The following TRIO variants were observed in gnomAD, a reference collection of about 807,000 sequenced individuals.
TRIO encodes the protein trio Rho guanine nucleotide exchange factor.
In TRIO, 58 loss-of-function variants were observed where a neutral mutation model predicts 351.9. That is an observed-to-expected ratio of 0.16 (90% confidence interval 0.13 to 0.21). The LOEUF (loss-of-function observed/expected upper bound fraction) is 0.21, where lower values mean the gene tolerates loss of function less well. Ranked by LOEUF, TRIO falls within the 10% of genes least tolerant of loss-of-function variation. TRIO has a pLI of 1.00. For missense variants in TRIO, 3,201 were observed against 4,027.8 expected, an observed-to-expected ratio of 0.79 and a Z score of 5.56; for synonymous variants, 1,758 against 1,595.7, an observed-to-expected ratio of 1.10 and a Z score of -2.42.
At chr5:14,403,991 G>T (rs1371013692) in intron 31 of TRIO, among the ~76,000 whole-genome samples, 1 of 140,108 alleles carries the variant, frequency 7.1e-6, no homozygotes, top group African/African-American at 3.1e-5. Flanking sequence ...GAGGGTGCAG[G>T]TTGTGGTGAG....
chr5:14,431,871 A>G (rs27761), intron 34 of TRIO, among the ~76,000 whole-genome samples: 77,195 of 152,040 alleles, frequency 0.51, 21,832 homozygotes, highest in African/African-American at 0.75. Flanking sequence ...CTGATTCTCC[A>G]TATAGCTGTC....
chr5:14,379,963 C>A (rs903923553), intron 20 of TRIO, among the ~76,000 whole-genome samples: 1 of 152,198 alleles, frequency 6.6e-6, no homozygotes, highest in African/African-American at 2.4e-5. Flanking sequence ...TGCTGGCCAC[C>A]CACCCCAGGC....
intron 1 of TRIO, among the ~76,000 whole-genome samples, chr5:14,247,119 A>G (rs1343855935): frequency 6.6e-6 from 1 of 152,118 alleles, no homozygotes; most frequent in East Asian, 1.9e-4. Flanking sequence ...TGGCACCTGC[A>G]TTGTGCAGGC....
At chr5:14,216,599 A>G (rs535168017) in intron 1 of TRIO, among the ~76,000 whole-genome samples, 1 of 152,368 alleles carries the variant, frequency 6.6e-6, no homozygotes, top group East Asian at 1.9e-4. Flanking sequence ...ATTTCAGTGC[A>G]TACCATAAAC....
Position 14,498,419 on chromosome 5 carries a change from T to C in TRIO, c.8211-100T>C, listed in dbSNP as rs1195758521. 5.9e-6 allele frequency: 9 copies of C among 1,526,988 alleles called. No individual in the cohort carries two copies. The Admixed American group carries it at 1.2e-4, about 20-fold the overall frequency. 94.6% of individuals were successfully genotyped at this position (1,526,988 alleles called of 1,614,324 possible). A position where few individuals can be genotyped will look rare whatever the true frequency, so the allele number is the denominator to read the frequency against. On this transcript the variant is annotated intron_variant, in intron 52 of 56. Transcript: ENST00000344204. The stretch of plus-strand genomic sequence containing the variant: ...TGGGTGTACAGCTCCTCATCAGCAC[T>C]TGAGCTCCTGCCTTCCCTTGATCCT...
intron 1 of TRIO, among the ~76,000 whole-genome samples, chr5:14,195,256 G>A (rs1790706059): frequency 6.6e-6 from 1 of 152,278 alleles, no homozygotes; most frequent in Middle Eastern, 3.4e-3. Context: ...GACCTTCACA[G>A]TTTTGAAGAA....
At chr5:14,333,930 C>T (rs1285551917) in intron 10 of TRIO, among the ~76,000 whole-genome samples, 1 of 152,190 alleles carries the variant, frequency 6.6e-6, no homozygotes. Flanking sequence ...AGGAGTTGGA[C>T]AGGAGAAGCC....
intron 1 of TRIO, among the ~76,000 whole-genome samples, chr5:14,186,897 T>C (rs1271017811): frequency 6.6e-6 from 1 of 152,216 alleles, no homozygotes; most frequent in Non-Finnish European, 1.5e-5. Flanking sequence ...TTTCTAATGA[T>C]TGAGACTCTT....
rs376885258 is a variant in TRIO at position 14,468,834 on chromosome 5, G to C, written c.5764-2484G>C. Among the ~76,000 whole-genome samples, 49 of 152,290 alleles carry C rather than the reference G, an allele frequency of 3.2e-4. 1 individual carries two copies. In the South Asian group the frequency reaches 0.01, roughly 32 times the overall value. On this transcript the variant is annotated intron_variant, in intron 37 of 56. Coordinates refer to ENST00000344204, the MANE Select transcript of TRIO (RefSeq NM_007118.4). ...AGAGAAGATGTTCAGCAGTTACACA[G>C]TATGATGTTTAAGGAACTGAACCTA... is the stretch of plus-strand genomic sequence containing the variant.
chr5:14,147,574 G>T (rs771930784), intron 1 of TRIO, among the ~76,000 whole-genome samples: 3 of 152,172 alleles, frequency 2.0e-5, no homozygotes, highest in African/African-American at 7.2e-5. Flanking sequence ...GAAGCATCAC[G>T]TCCTGTCGTG....
At chr5:14,412,391 G>A (rs550079544) in intron 33 of TRIO, among the ~76,000 whole-genome samples, 1 of 152,338 alleles carries the variant, frequency 6.6e-6, no homozygotes, top group South Asian at 2.1e-4. Flanking sequence ...TTGCAGCGTC[G>A]AGGTAGTATG....
In TRIO at chr5:14,148,872, C is replaced by G. The variant is rs139000956; in HGVS notation, c.157+4990C>G. 2.8e-3 allele frequency among the ~76,000 whole-genome samples: 419 copies of G among 152,324 alleles called. 2 individuals are homozygous for G. Among genetic ancestry groups the G allele is most frequent in the Non-Finnish European group, 4.2e-3 (285 of 68,024 alleles). ...ATTTTAATTAATGGGCTGCAGGGAC[C>G]AGGCTGGGTCCCCAGCTGGAGCAAG... is the stretch of plus-strand genomic sequence containing the variant. On this transcript the variant is annotated intron_variant, in intron 1 of 56. Transcript: ENST00000344204.
chr5:14,296,569 G>T (rs1316967822), intron 6 of TRIO, among the ~76,000 whole-genome samples: 1 of 152,168 alleles, frequency 6.6e-6, no homozygotes, highest in Non-Finnish European at 1.5e-5. Context: ...AATATTTTCT[G>T]TTGGCACCCA....
At chr5:14,266,485 A>G (rs1489877644) in intron 1 of TRIO, among the ~76,000 whole-genome samples, 1 of 152,182 alleles carries the variant, frequency 6.6e-6, no homozygotes, top group East Asian at 1.9e-4. Context: ...TGAACAGTAT[A>G]ATGTTTATTA....
At chr5:14,398,830 GTTTTTATTTTTCT>G in intron 29 of TRIO, 37 bp from the exon 30 acceptor site, 1 of 1,524,476 alleles carries the variant, frequency 6.6e-7, no homozygotes, top group Non-Finnish European at 8.9e-7. Context: ...TTGTGCATCA[GTTTTTATTTTTCT>G]TTTAAATTGA....
At chr5:14,441,592 A>G (rs1249864171) in intron 34 of TRIO, among the ~76,000 whole-genome samples, 1 of 152,208 alleles carries the variant, frequency 6.6e-6, no homozygotes, top group Non-Finnish European at 1.5e-5. Context: ...CTGCACATCC[A>G]TTGTGTGTTG....
intron 1 of TRIO, among the ~76,000 whole-genome samples, chr5:14,203,952 G>A (rs574937339): frequency 1.3e-5 from 2 of 152,132 alleles, no homozygotes; most frequent in East Asian, 1.9e-4. Flanking sequence ...TTATCGTTAC[G>A]TTGCACCTCA....
At chr5:14,423,134 A>G (rs1750319777) in intron 34 of TRIO, among the ~76,000 whole-genome samples, 1 of 152,134 alleles carries the variant, frequency 6.6e-6, no homozygotes, top group Admixed American at 6.5e-5. Flanking sequence ...GCATAGCAGG[A>G]TTGAATAAGG....
chr5:14,277,264 G>A (rs1299193909), intron 2 of TRIO, among the ~76,000 whole-genome samples: 1 of 152,168 alleles, frequency 6.6e-6, no homozygotes, highest in Non-Finnish European at 1.5e-5. Context: ...AATAAGATTG[G>A]TTATAGGAGA....
Sources: gnomAD v4.1 joint callset for allele counts (sites outside exome capture counted in the v4.1 genomes callset) on GRCh38, gnomAD v4.1.1 for gene constraint, MANE v1.5 for transcripts, NCBI Gene and HGNC (gene_info 2026-07-23, HGNC 2026-07-21) for gene names.